Variants in ANKRD50 observed in about 807,000 individuals in gnomAD.
The protein encoded by ANKRD50 is ankyrin repeat domain 50.
In ANKRD50, 40 loss-of-function variants were observed where a neutral mutation model predicts 112.0. That is an observed-to-expected ratio of 0.36 (90% CI 0.28 to 0.46). The LOEUF (loss-of-function observed/expected upper bound fraction) is 0.46, where lower values mean the gene tolerates loss of function less well. Among genes scored for constraint, ANKRD50 ranks in the 20% least tolerant of loss-of-function variants. ANKRD50 has a pLI of 1.00. For missense variants in ANKRD50, 1,487 were observed against 1,701.7 expected (o/e 0.87, Z 2.22); for synonymous variants, 613 against 619.1 (o/e 0.99, Z 0.15).
chr4:124,677,856 C>T (rs1724754183), intron 3 of ANKRD50, among the ~76,000 whole-genome samples: 1 of 151,824 alleles, frequency 6.6e-6, no homozygotes, highest in South Asian at 2.1e-4. Flanking sequence ...TGACACAGAC[C>T]AAAAGGGGCT....
At chr4:124,667,662 A>C (rs1443109575) in intron 4 of ANKRD50, 148 bp from the exon 5 acceptor site, 1 of 152,056 alleles carries the variant, frequency 6.6e-6, no homozygotes, top group Non-Finnish European at 1.5e-5. Flanking sequence ...ACTATTATTT[A>C]ACTTATAAGC....
chr4:124,705,090 T>C (rs1217694146), intron 2 of ANKRD50, among the ~76,000 whole-genome samples: 1 of 140,274 alleles, frequency 7.1e-6, no homozygotes, highest in Non-Finnish European at 1.5e-5. Flanking sequence ...CAAGACTCCA[T>C]CTCAAAAAAA....
rs1413185570 is a variant in ANKRD50 at position 124,668,972 on chromosome 4, A to G, written c.*3+12T>C. 4 of 1,588,324 alleles carry G rather than the reference A, an allele frequency of 2.5e-6. No homozygotes were observed. The highest frequency in any genetic ancestry group is 3.4e-6 in the Non-Finnish European group (4 of 1,173,540). The stretch of plus-strand genomic sequence containing the variant: ...CTTTTGTTTTTTACTCTTTATGTTG[A>G]CAAAATATTACCTTTTATAATGGTG... On this transcript the variant is annotated intron_variant, in intron 4 of 4. Transcript: ENST00000504087.
At chr4:124,675,909 T>C (rs902156030) in intron 3 of ANKRD50, among the ~76,000 whole-genome samples, 4 of 151,796 alleles carry the variant, frequency 2.6e-5, no homozygotes, top group African/African-American at 9.7e-5. Context: ...AAAATGCTAC[T>C]GGTCAGTATA....
chr4:124,694,767 C>A (rs1725214079), intron 2 of ANKRD50, among the ~76,000 whole-genome samples: 1 of 152,020 alleles, frequency 6.6e-6, no homozygotes, highest in Non-Finnish European at 1.5e-5. Flanking sequence ...AACTTCATAT[C>A]TCAATTTTTA....
chr4:124,671,626 T>C lies in ANKRD50; in HGVS notation c.1651A>G (p.Asn551Asp), dbSNP rs199709104. 7 of 1,613,776 alleles carry C rather than the reference T, an allele frequency of 4.3e-6. No individual in the cohort carries two copies. The highest frequency in any genetic ancestry group is 1.7e-5 in the Admixed American group (1 of 59,952). ...CDSNGRTLLA[N>D]AAYSGSLDVV... ...TCAAGACTGCCACTATATGCAGCAT[T>C]AGCCAATAATGTTCTCCCATTTGAA... The change falls in exon 4 of 5, where the codon AAT (asparagine) becomes GAT (aspartate). Residue 551 changes from asparagine to aspartate, a missense_variant. Around this residue, in one of 2 missense-constraint regions of ANKRD50, gnomAD observed 1,046 missense variants for 1,269.5 expected, o/e 0.82. Coordinates refer to ENST00000504087, the MANE Select transcript of ANKRD50 (RefSeq NM_020337.3).
intron 2 of ANKRD50, among the ~76,000 whole-genome samples, chr4:124,688,510 A>C (rs1455727041): frequency 5.9e-5 from 9 of 152,190 alleles, no homozygotes; most frequent in Non-Finnish European, 4.4e-5. Context: ...TTACTGTATG[A>C]AAAATGAAAA....
intron 2 of ANKRD50, among the ~76,000 whole-genome samples, chr4:124,685,844 T>G (rs1724994558): frequency 6.6e-6 from 1 of 152,182 alleles, no homozygotes; most frequent in South Asian, 2.1e-4. Flanking sequence ...AGATCATCCT[T>G]CTGTAGCTAG....
intron 2 of ANKRD50, among the ~76,000 whole-genome samples, chr4:124,708,699 C>T (rs1578597191): frequency 2.0e-5 from 3 of 148,004 alleles, no homozygotes; most frequent in South Asian, 4.4e-4. Flanking sequence ...CATACACACA[C>T]ACACACACAC....
rs1382943401 is a variant in ANKRD50 at position 124,671,697 on chromosome 4, G to A, written c.1580C>T (p.Ser527Phe). 5.6e-6 allele frequency: 9 copies of A among 1,613,770 alleles called. No homozygotes were observed. Among genetic ancestry groups the A allele is most frequent in the Non-Finnish European group, 7.6e-6 (9 of 1,179,844 alleles). Residue 527 changes from serine (S) to phenylalanine (F), a missense_variant, in exon 4 of 5, where the codon TCC becomes TTC. By Grantham distance (155) the Ser-to-Phe change is radical (BLOSUM62 -2). Coordinates refer to ENST00000504087, the MANE Select transcript of ANKRD50 (RefSeq NM_020337.3). ...TCCATTATCTAATAATGTCCGAATGGAATCCTCTCTTTCTAAGGCTTGTCG... is the reference window on the plus strand; with the variant it reads ...TCCATTATCTAATAATGTCCGAATGAAATCCTCTCTTTCTAAGGCTTGTCG... ...IVRQALERED[S>F]IRTLLDNGAS...
At chr4:124,703,249 G>A (rs907271473) in intron 2 of ANKRD50, among the ~76,000 whole-genome samples, 5 of 152,098 alleles carry the variant, frequency 3.3e-5, no homozygotes, top group African/African-American at 9.7e-5. Context: ...AAGGCAAATT[G>A]AGCAGTACGT....
chr4:124,682,172 C>T (rs906239368), intron 2 of ANKRD50, among the ~76,000 whole-genome samples: 37 of 151,648 alleles, frequency 2.4e-4, no homozygotes, highest in African/African-American at 5.8e-4. Flanking sequence ...AAAAATTAGC[C>T]GGGCGCGGTG....
rs1730672502 is a variant in ANKRD50, at chr4:124,672,115, T to G, written c.1162A>C (p.Lys388Gln). The change falls in exon 4 of 5, where the codon AAG becomes CAG. Residue 388 changes from lysine (K) to glutamine (Q), a missense_variant. Lys to Gln is a moderately conservative substitution (Grantham distance 53). Around this residue, in one of 2 missense-constraint regions of ANKRD50, gnomAD observed 1,046 missense variants for 1,269.5 expected, o/e 0.82. Coordinates refer to ENST00000504087, the MANE Select transcript of ANKRD50 (RefSeq NM_020337.3). ...MSLTLEDFQRKLDILSKLLVD... is the reference protein window; with the variant it reads ...MSLTLEDFQRQLDILSKLLVD... Reference sequence around the variant, plus strand: ...AGAAGTTTGGAGAGGATATCTAACTTGCGTTGAAAATCTTCCAAAGTTAAC... The same window carrying G: ...AGAAGTTTGGAGAGGATATCTAACTGGCGTTGAAAATCTTCCAAAGTTAAC... 6.2e-7 allele frequency: 1 copy of G among 1,613,770 alleles called. No individual in the cohort carries two copies. Among genetic ancestry groups the G allele is most frequent in the South Asian group, 1.1e-5 (1 of 91,088 alleles).
At chr4:124,702,548 C>T (rs1213304342) in intron 2 of ANKRD50, among the ~76,000 whole-genome samples, 2 of 152,102 alleles carry the variant, frequency 1.3e-5, no homozygotes, top group East Asian at 1.9e-4. Context: ...TTCTAACAAG[C>T]TCCCAGGTGA....
intron 2 of ANKRD50, among the ~76,000 whole-genome samples, chr4:124,706,742 C>T (rs1725515010): frequency 6.6e-6 from 1 of 151,964 alleles, no homozygotes; most frequent in South Asian, 2.1e-4. Flanking sequence ...TATCTTAAGT[C>T]AAAAATGCAT....
chr4:124,677,002 T>C (rs778031830), intron 3 of ANKRD50, among the ~76,000 whole-genome samples: 27 of 151,702 alleles, frequency 1.8e-4, no homozygotes, highest in Admixed American at 2.6e-4. Flanking sequence ...AAGAAAGACA[T>C]AATTCAATAC....
chr4:124,683,055 C>T (rs896355815), intron 2 of ANKRD50, among the ~76,000 whole-genome samples: 31 of 151,506 alleles, frequency 2.0e-4, no homozygotes, highest in Non-Finnish European at 1.5e-5. Context: ...TATATATATA[C>T]ACACACATAC....
At position 124,669,742 on chromosome 4, in the gene ANKRD50, G is replaced by T; in HGVS notation, c.3535C>A (p.Leu1179Met). ...DSTVDRQKSS[L>M]SNNSLKSSKN... ...GAGCTTTTCAGGGAATTATTTGACA[G>T]TGATGACTTCTGCCGGTCAACTGTA... Residue 1179 changes from leucine (L) to methionine (M), a missense_variant, in exon 4 of 5, where the codon CTG (leucine) becomes ATG (methionine). Physicochemically the swap from Leu to Met is conservative, Grantham distance 15. Transcript: ENST00000504087. The T allele has an allele frequency of 1.2e-6, 2 of 1,613,540 alleles. No homozygotes were observed. The highest frequency in any genetic ancestry group is 1.7e-6 in the Non-Finnish European group (2 of 1,179,792).
At position 124,673,525 on chromosome 4, in the gene ANKRD50, TGCA is replaced by T. The variant is rs768066479; in HGVS notation, c.743-994_743-992del. On this transcript the variant is annotated intron_variant, in intron 3 of 4. Coordinates refer to ENST00000504087, the MANE Select transcript of ANKRD50 (RefSeq NM_020337.3). ...GAACAGCCATGGTGGTGGCAGCAGT[TGCA>T]GCAGCAGCAGCAGCAGCAAAAATAA... 3.3e-5 allele frequency among the ~76,000 whole-genome samples: 5 copies of T among 151,904 alleles called. No individual in the cohort carries two copies. The South Asian group carries it at 1.0e-3, about 32-fold the overall frequency.
Sources: allele counts gnomAD v4.1 joint callset (sites outside exome capture counted in the v4.1 genomes callset), GRCh38; gene constraint gnomAD v4.1.1; regional missense constraint gnomAD v4.1.1; transcripts MANE v1.5; gene names NCBI Gene and HGNC (gene_info 2026-07-23, HGNC 2026-07-21).